Variants in WDR59 observed in about 807,000 individuals in gnomAD.
The protein encoded by WDR59 is WD repeat domain 59.
WDR59 carries 100 observed loss-of-function variants against 131.2 expected under a neutral mutation model. The observed-to-expected ratio is 0.76, with a 90% confidence interval of 0.65 to 0.90. WDR59 has a LOEUF of 0.90. Ranked by LOEUF, WDR59 falls within the 40% of genes least tolerant of loss-of-function variation. The pLI, the probability that WDR59 is intolerant of heterozygous loss-of-function variation, is 0.00. For missense variants in WDR59, 1,203 were observed against 1,262.2 expected (o/e 0.95, Z 0.71); for synonymous variants, 601 against 466.2 (o/e 1.29, Z -3.72).
intron 1 of WDR59, among the ~76,000 whole-genome samples, chr16:74,968,191 A>T (rs1276814199): frequency 6.6e-6 from 1 of 152,136 alleles, no homozygotes; most frequent in African/African-American, 2.4e-5. Context: ...GATGATGAAA[A>T]TTTAGAGGAC....
chr16:74,916,264 A>G lies in WDR59; in HGVS notation c.967-5T>C. ...TAATATGTCATTTGCACAAAGCTGCAACAAAGGGTAGAAGATGTAGTTCTA... is the reference window on the plus strand; with the variant it reads ...TAATATGTCATTTGCACAAAGCTGCGACAAAGGGTAGAAGATGTAGTTCTA... On this transcript the variant is annotated splice_region_variant and splice_polypyrimidine_tract_variant and intron_variant, in intron 11 of 25. Coordinates refer to ENST00000262144, the MANE Select transcript of WDR59 (RefSeq NM_030581.4). The G allele has an allele frequency of 1.9e-6, 3 of 1,613,796 alleles. No homozygotes were observed. In the South Asian group the frequency reaches 3.3e-5, roughly 18 times the overall value.
chr16:74,897,587 G>A (rs761832036), intron 18 of WDR59, among the ~76,000 whole-genome samples: 18 of 152,150 alleles, frequency 1.2e-4, no homozygotes, highest in East Asian at 9.6e-4. Flanking sequence ...TGTTTGATCC[G>A]TATTGGATGG....
chr16:74,920,818 G>A (rs1450553307), intron 10 of WDR59, among the ~76,000 whole-genome samples: 1 of 152,156 alleles, frequency 6.6e-6, no homozygotes, highest in East Asian at 1.9e-4. Flanking sequence ...TTCAGAAACA[G>A]GCAAACCTAA....
chr16:74,956,388 C>A, intron 3 of WDR59, 87 bp downstream of exon 3: 1 of 1,494,876 alleles, frequency 6.7e-7, no homozygotes, highest in East Asian at 2.3e-5. Context: ...ATGAGGACTG[C>A]ATTCTCTTCT....
chr16:74,923,261 T>A (rs372458991), intron 9 of WDR59, among the ~76,000 whole-genome samples: 1 of 152,190 alleles, frequency 6.6e-6, no homozygotes, highest in South Asian at 2.1e-4. Flanking sequence ...TATTAAATGA[T>A]AGAGCATGGC....
intron 6 of WDR59, 49 bp from the exon 7 acceptor site, chr16:74,942,875 A>AAGCAG: frequency 4.5e-6 from 7 of 1,563,272 alleles, no homozygotes; most frequent in Non-Finnish European, 6.2e-6. Flanking sequence ...GTGCTTTCGG[A>AAGCAG]AGCAGAGCAG....
chr16:74,886,248 T>C, intron 24 of WDR59, 22 bp downstream of exon 24: 1 of 1,597,436 alleles, frequency 6.3e-7, no homozygotes, highest in Non-Finnish European at 8.6e-7. Flanking sequence ...GCATTGCAGC[T>C]CTCACCTGGG....
chr16:74,880,311 G>C (rs945127984), intron 25 of WDR59, among the ~76,000 whole-genome samples: 2 of 152,056 alleles, frequency 1.3e-5, no homozygotes, highest in East Asian at 3.9e-4. Context: ...GCCAGGAGTG[G>C]TGGCAGGCGC....
At chr16:74,890,611 A>T (rs939266537) in intron 20 of WDR59, among the ~76,000 whole-genome samples, 3 of 152,208 alleles carry the variant, frequency 2.0e-5, no homozygotes, top group Non-Finnish European at 4.4e-5. Context: ...TCTGAAGCTA[A>T]AAAGTAACAA....
chr16:74,929,730 C>T (rs1228269320), intron 8 of WDR59, among the ~76,000 whole-genome samples: 1 of 152,098 alleles, frequency 6.6e-6, no homozygotes, highest in Non-Finnish European at 1.5e-5. Context: ...ATCTGCATGC[C>T]CATATTTATT....
intron 2 of WDR59, chr16:74,959,495 G>A (rs1199057856): frequency 4.5e-6 from 2 of 448,542 alleles, no homozygotes; most frequent in Non-Finnish European, 8.9e-6. Context: ...GTTGGAAGCA[G>A]CAGCTCACAC....
intron 11 of WDR59, among the ~76,000 whole-genome samples, chr16:74,916,580 C>T (rs550690879): frequency 6.6e-6 from 1 of 152,160 alleles, no homozygotes; most frequent in South Asian, 2.1e-4. Flanking sequence ...CATAACCGGC[C>T]AGGCGTAGTG....
chr16:74,982,520 A>G (rs765488910), intron 1 of WDR59, among the ~76,000 whole-genome samples: 72 of 152,162 alleles, frequency 4.7e-4, no homozygotes, highest in Non-Finnish European at 4.9e-4. Flanking sequence ...ACATCTCTAT[A>G]AACAGGCAGG....
At chr16:74,924,822 T>C (rs928892089) in intron 8 of WDR59, among the ~76,000 whole-genome samples, 5 of 152,136 alleles carry the variant, frequency 3.3e-5, no homozygotes, top group Non-Finnish European at 7.3e-5. Context: ...GATCTTGCCA[T>C]GTTGCCCGGG....
At chr16:74,947,745 T>C (rs1289144422) in intron 6 of WDR59, among the ~76,000 whole-genome samples, 3 of 152,142 alleles carry the variant, frequency 2.0e-5, no homozygotes, top group African/African-American at 7.2e-5. Context: ...GAAATACTTG[T>C]TGAAGAAATG....
intron 18 of WDR59, among the ~76,000 whole-genome samples, chr16:74,897,733 A>AT (rs921153953): frequency 1.3e-5 from 2 of 152,134 alleles, no homozygotes; most frequent in Non-Finnish European, 2.9e-5. Context: ...AGTGCTGTAA[A>AT]TTTTTTTAAT....
chr16:74,981,394 A>C (rs1204228930), intron 1 of WDR59, among the ~76,000 whole-genome samples: 2 of 148,114 alleles, frequency 1.4e-5, no homozygotes, highest in Non-Finnish European at 3.0e-5. Flanking sequence ...AACAAAAAAA[A>C]CACACACACA....
In WDR59 at chr16:74,909,824, C is replaced by A. The variant is rs1246363165; in HGVS notation, c.1483G>T (p.Val495Leu). Residue 495 changes from valine (V) to leucine (L), a missense_variant and splice_region_variant, in exon 15 of 26, where the codon GTG (valine) becomes TTG (leucine). Physicochemically the swap from Val to Leu is conservative, Grantham distance 32 (BLOSUM62 1). Coordinates refer to ENST00000262144, the MANE Select transcript of WDR59 (RefSeq NM_030581.4). The stretch of plus-strand genomic sequence containing the variant: ...TATGACAGTTTCATGCTTCCCACCA[C>A]AAAGGACTCAAGGCAGGAGACGAGC... ...RQLVSCLESFVNQEDSASSNP... is the reference protein window; with the variant it reads ...RQLVSCLESFLNQEDSASSNP... The A allele has an allele frequency of 6.2e-7, 1 of 1,610,816 alleles. No individual in the cohort carries two copies. Among genetic ancestry groups the A allele is most frequent in the East Asian group, 2.2e-5 (1 of 44,862 alleles).
chr16:74,873,015 T>C lies in WDR59; in HGVS notation c.*1194A>G, dbSNP rs1332107607. On this transcript the variant is annotated 3_prime_UTR_variant, in exon 26 of 26. Coordinates refer to ENST00000262144, the MANE Select transcript of WDR59 (RefSeq NM_030581.4). The stretch of plus-strand genomic sequence containing the variant: ...ACCTCTGCTTCCCAAGTTCAAGCGA[T>C]TCTCCTGTCTCAGCCTCCCCAGTAC... The C allele has an allele frequency of 6.6e-6, 1 of 152,184 alleles. No individual in the cohort carries two copies. The highest frequency in any genetic ancestry group is 1.5e-5 in the Non-Finnish European group (1 of 68,054). 9.4% of individuals were successfully genotyped at this position (152,184 alleles called of 1,614,324 possible). A position where few individuals can be genotyped will look rare whatever the true frequency, so the allele number is the denominator to read the frequency against.
Sources: allele counts gnomAD v4.1 joint callset (sites outside exome capture counted in the v4.1 genomes callset), GRCh38; gene constraint gnomAD v4.1.1; transcripts MANE v1.5; gene names NCBI Gene and HGNC (gene_info 2026-07-23, HGNC 2026-07-21).